NPY2R: variants seen among roughly 807,000 people sequenced by gnomAD.
NPY2R encodes the protein neuropeptide Y receptor Y2, also known as neuropeptide Y receptor type 2.
A neutral mutation model predicts 22.3 loss-of-function variants in NPY2R; 17 were observed. The ratio of observed to expected loss-of-function variants is 0.76; its 90% CI spans 0.52 to 1.14. NPY2R has a LOEUF of 1.14. NPY2R is among the 50% of genes most tolerant of loss of function. The pLI is 0.00. For missense variants in NPY2R, 424 were observed against 467.9 expected, an observed-to-expected ratio of 0.91 and a Z score of 0.87; for synonymous variants, 209 against 183.4, an observed-to-expected ratio of 1.14 and a Z score of -1.13.
At chr4:155,179,768 T>C in the NPY2R span, among the ~76,000 whole-genome samples, 1 of 152,196 alleles carries the variant, frequency 6.6e-6, no homozygotes, top group Non-Finnish European at 1.5e-5. Flanking sequence ...AAGTTTCCTC[T>C]TTTTTGATAT....
chr4:155,192,720 G>A, the NPY2R span, among the ~76,000 whole-genome samples: 1 of 151,826 alleles, frequency 6.6e-6, no homozygotes, highest in Non-Finnish European at 1.5e-5. Flanking sequence ...AAATATGCAA[G>A]ACTTCAAGAG....
upstream of NPY2R, among the ~76,000 whole-genome samples, chr4:155,205,635 G>C (rs749177628): frequency 2.0e-5 from 3 of 152,214 alleles, no homozygotes; most frequent in African/African-American, 7.2e-5. Flanking sequence ...TACTTATTTG[G>C]CAACTAATCT....
At chr4:155,177,518 C>T in the NPY2R span, among the ~76,000 whole-genome samples, 1 of 152,170 alleles carries the variant, frequency 6.6e-6, no homozygotes, top group Non-Finnish European at 1.5e-5. Flanking sequence ...TCAGCTGTCA[C>T]TCATTTAAGC....
chr4:155,188,902 AT>A, the NPY2R span, among the ~76,000 whole-genome samples: 4 of 152,104 alleles, frequency 2.6e-5, no homozygotes, highest in African/African-American at 9.7e-5. Context: ...GAGATAATAA[AT>A]GCTTGTTTTA....
chr4:155,179,356 T>G, the NPY2R span, among the ~76,000 whole-genome samples: 1 of 152,202 alleles, frequency 6.6e-6, no homozygotes. Context: ...TGCCAGATTT[T>G]GTTGTATTCC....
At chr4:155,213,766 T>A (rs1176419892) in intron 1 of NPY2R, 126 bp from the exon 2 acceptor site, 10 of 637,966 alleles carry the variant, frequency 1.6e-5, no homozygotes, top group Non-Finnish European at 2.8e-5. Context: ...GAGTAGAGGA[T>A]ATTTTGATCC....
chr4:155,203,631 T>C, the NPY2R span, among the ~76,000 whole-genome samples: 3,649 of 152,246 alleles, frequency 0.024, 139 homozygotes, highest in African/African-American at 0.083. Context: ...AATATCCATA[T>C]GACCTATTGA....
the NPY2R span, among the ~76,000 whole-genome samples, chr4:155,202,664 CTG>C: frequency 1.3e-5 from 2 of 152,180 alleles, no homozygotes; most frequent in African/African-American, 2.4e-5. Flanking sequence ...TATGTGAAAA[CTG>C]TATATAAATC....
chr4:155,175,137 G>A, the NPY2R span, among the ~76,000 whole-genome samples: 1 of 152,062 alleles, frequency 6.6e-6, no homozygotes, highest in East Asian at 1.9e-4. Context: ...GAAATGTGAA[G>A]CAGCAATTTT....
chr4:155,179,631 C>G, the NPY2R span, among the ~76,000 whole-genome samples: 9 of 152,308 alleles, frequency 5.9e-5, no homozygotes, highest in East Asian at 1.3e-3. Flanking sequence ...GTTTTCATCT[C>G]TGGCAACTGC....
the NPY2R span, among the ~76,000 whole-genome samples, chr4:155,175,358 A>G: frequency 2.6e-5 from 4 of 152,142 alleles, no homozygotes; most frequent in African/African-American, 4.8e-5. Context: ...AATAGAAAAT[A>G]AGGTCGACTT....
upstream of NPY2R, among the ~76,000 whole-genome samples, chr4:155,204,419 G>GT: frequency 6.6e-6 from 1 of 152,090 alleles, no homozygotes; most frequent in Non-Finnish European, 1.5e-5. Flanking sequence ...AAGTTTCTTG[G>GT]TTTTCCCATC....
At position 155,214,410 on chromosome 4, in the gene NPY2R, G is replaced by C. The variant is rs755146006; in HGVS notation, c.471G>C (p.Glu157Asp). Residue 157 changes from glutamate to aspartate, a missense_variant, in exon 2 of 2, where the codon GAG becomes GAC. Transcript: ENST00000329476. ...ACAGGTGCATCGTCTACCACCTAGA[G>C]AGCAAGATCTCCAAGCGAATCAGCT... ...DRHRCIVYHL[E>D]SKISKRISFL... 1.2e-6 allele frequency: 2 copies of C among 1,614,054 alleles called. No individual in the cohort carries two copies. The highest frequency in any genetic ancestry group is 2.2e-5 in the East Asian group (1 of 44,868).
At chr4:155,197,581 G>A in the NPY2R span, among the ~76,000 whole-genome samples, 1 of 151,772 alleles carries the variant, frequency 6.6e-6, no homozygotes, top group Non-Finnish European at 1.5e-5. Flanking sequence ...ATGCATGCCT[G>A]CACATATATA....
the NPY2R span, among the ~76,000 whole-genome samples, chr4:155,199,956 G>T: frequency 1.3e-5 from 2 of 152,096 alleles, no homozygotes; most frequent in Non-Finnish European, 2.9e-5. Context: ...CATGGGCAAA[G>T]ACTTCCTGAC....
chr4:155,183,028 G>A, the NPY2R span, among the ~76,000 whole-genome samples: 8 of 152,142 alleles, frequency 5.3e-5, no homozygotes, highest in Admixed American at 5.2e-4. Context: ...CCTGACCTCA[G>A]GTGATCCACC....
At chr4:155,203,431 C>A in the NPY2R span, among the ~76,000 whole-genome samples, 1 of 152,168 alleles carries the variant, frequency 6.6e-6, no homozygotes, top group African/African-American at 2.4e-5. Flanking sequence ...TTCATCAGAA[C>A]AAACTTGATT....
the NPY2R span, among the ~76,000 whole-genome samples, chr4:155,174,482 A>ATTTTT: frequency 8.6e-5 from 9 of 104,514 alleles, no homozygotes; most frequent in African/African-American, 5.1e-4. Flanking sequence ...ATATATATAT[A>ATTTTT]TATTTTTTTT....
At chr4:155,188,581 G>A in the NPY2R span, among the ~76,000 whole-genome samples, 11 of 152,042 alleles carry the variant, frequency 7.2e-5, no homozygotes, top group Middle Eastern at 3.2e-3. Context: ...TTACATATGA[G>A]TAAAACTTTC....
Sources: allele counts gnomAD v4.1 joint callset (sites outside exome capture counted in the v4.1 genomes callset), GRCh38; gene constraint gnomAD v4.1.1; transcripts MANE v1.5; gene names NCBI Gene and HGNC (gene_info 2026-07-23, HGNC 2026-07-21).